Variants in AKR1C3 observed in about 807,000 individuals in gnomAD.
AKR1C3 encodes 3-alpha hydroxysteroid dehydrogenase, type II.
In AKR1C3, 48 loss-of-function variants were observed where a neutral mutation model predicts 43.6. The observed-to-expected ratio is 1.10, with a 90% confidence interval of 0.87 to 1.40. AKR1C3 has a LOEUF of 1.40. Among genes scored for constraint, AKR1C3 ranks in the 40% most tolerant of loss-of-function variants. The pLI is 0.00. For synonymous variants in AKR1C3, 162 were observed against 139.6 expected (o/e 1.16, Z -1.13); for missense variants, 482 against 391.2 (o/e 1.23, Z -1.96).
chr10:5,064,299 G>A (rs1440376662), intron 1 of AKR1C3, among the ~76,000 whole-genome samples: 1 of 152,082 alleles, frequency 6.6e-6, no homozygotes, highest in Admixed American at 6.5e-5. Flanking sequence ...ATCATTCAAC[G>A]AGTGATGCTG....
chr10:5,049,673 T>C (rs1045697055), intron 1 of AKR1C3, among the ~76,000 whole-genome samples: 10 of 152,188 alleles, frequency 6.6e-5, no homozygotes, highest in Non-Finnish European at 1.5e-4. Context: ...GAGACTACTA[T>C]GTTTGTGATT....
At chr10:5,083,339 G>A (rs1838878137) in intron 1 of AKR1C3, among the ~76,000 whole-genome samples, 2 of 151,386 alleles carry the variant, frequency 1.3e-5, no homozygotes, top group Non-Finnish European at 2.9e-5. Context: ...TTGGTTTTTT[G>A]TCCTTGTGAT....
At chr10:5,085,675 G>C (rs1402568286) in intron 1 of AKR1C3, among the ~76,000 whole-genome samples, 1 of 151,884 alleles carries the variant, frequency 6.6e-6, no homozygotes, top group Non-Finnish European at 1.5e-5. Context: ...TGTACCTGTG[G>C]TAGAATTCAG....
chr10:5,049,709 T>C (rs1357264154), intron 1 of AKR1C3, among the ~76,000 whole-genome samples: 1 of 152,208 alleles, frequency 6.6e-6, no homozygotes, highest in Non-Finnish European at 1.5e-5. Flanking sequence ...GAAATTTGAG[T>C]CTCACTTTTC....
At chr10:5,098,583 C>T (rs959315666) in intron 3 of AKR1C3, among the ~76,000 whole-genome samples, 1 of 152,150 alleles carries the variant, frequency 6.6e-6, no homozygotes, top group African/African-American at 2.4e-5. Context: ...GAAAATGGTC[C>T]TTTTCCATGC....
chr10:5,103,896 T>G (rs1554786565), intron 7 of AKR1C3, among the ~76,000 whole-genome samples: 1 of 152,168 alleles, frequency 6.6e-6, no homozygotes, highest in Admixed American at 6.5e-5. Flanking sequence ...CTTATTAATC[T>G]ATGATGGATT....
chr10:5,049,889 C>T (rs1838118043), intron 1 of AKR1C3, among the ~76,000 whole-genome samples: 1 of 152,194 alleles, frequency 6.6e-6, no homozygotes, highest in Non-Finnish European at 1.5e-5. Flanking sequence ...TGTGGGTTAA[C>T]CTGTGCCTCT....
At chr10:5,066,848 T>C (rs1382305310) in intron 1 of AKR1C3, among the ~76,000 whole-genome samples, 17 of 152,346 alleles carry the variant, frequency 1.1e-4, no homozygotes, top group African/African-American at 3.4e-4. Context: ...TTAAAGTCTG[T>C]TGTTTAACTG....
chr10:5,094,345 C>T, upstream of AKR1C3: 1 of 1,401,426 alleles, frequency 7.1e-7, no homozygotes, highest in Non-Finnish European at 9.6e-7. Flanking sequence ...AACCATCAGT[C>T]AGTTTGCAGG....
intron 1 of AKR1C3, among the ~76,000 whole-genome samples, chr10:5,083,469 G>A (rs1253730781): frequency 2.0e-4 from 31 of 152,176 alleles, no homozygotes; most frequent in Admixed American, 3.9e-4. Context: ...TCTTAATCCA[G>A]TCTATCGTTG....
At chr10:5,097,655 T>C in intron 3 of AKR1C3, 105 bp downstream of exon 3, 1 of 1,590,440 alleles carries the variant, frequency 6.3e-7, no homozygotes, top group South Asian at 1.1e-5. Flanking sequence ...GTAGGGATTA[T>C]CACACAGAAG....
chr10:5,100,504 T>C (rs564411341), intron 5 of AKR1C3, among the ~76,000 whole-genome samples: 28 of 151,282 alleles, frequency 1.9e-4, no homozygotes, highest in Non-Finnish European at 1.9e-4. Flanking sequence ...AAGTCCTTTT[T>C]TCCCCCTGAG....
chr10:5,074,171 T>A (rs1363354243), intron 1 of AKR1C3, among the ~76,000 whole-genome samples: 5 of 152,172 alleles, frequency 3.3e-5, no homozygotes, highest in Non-Finnish European at 7.3e-5. Context: ...CATGTGTTGA[T>A]TGATGTCTCA....
At chr10:5,083,196 A>C (rs1838873606) in intron 1 of AKR1C3, among the ~76,000 whole-genome samples, 1 of 152,070 alleles carries the variant, frequency 6.6e-6, no homozygotes, top group Admixed American at 6.6e-5. Context: ...ATTTAGCATT[A>C]GATATATCTC....
chr10:5,059,627 G>A (rs745856536), intron 1 of AKR1C3, among the ~76,000 whole-genome samples: 6 of 152,142 alleles, frequency 3.9e-5, no homozygotes, highest in Admixed American at 6.5e-5. Flanking sequence ...TCCAGCGGCC[G>A]CACTAGTCCC....
intron 3 of AKR1C3, among the ~76,000 whole-genome samples, chr10:5,098,409 A>G (rs1554785482): frequency 2.6e-5 from 4 of 152,218 alleles, no homozygotes. Flanking sequence ...CCCAAAGACT[A>G]TCAACTCTTC....
intron 1 of AKR1C3, among the ~76,000 whole-genome samples, chr10:5,057,011 C>T (rs1037191028): frequency 9.2e-5 from 14 of 152,098 alleles, no homozygotes; most frequent in African/African-American, 2.9e-4. Context: ...TAAACATACC[C>T]GGGGCTCAGT....
upstream of AKR1C3, chr10:5,093,551 T>G (rs1274284510): frequency 1.3e-5 from 2 of 152,110 alleles, no homozygotes; most frequent in Non-Finnish European, 2.9e-5. Context: ...GAATTATTCA[T>G]CCATTTATAT....
chr10:5,096,642 C>G, intron 2 of AKR1C3, 65 bp downstream of exon 2: 1 of 1,522,336 alleles, frequency 6.6e-7, no homozygotes, highest in East Asian at 2.3e-5. Context: ...GATGACAATT[C>G]TATGACTGGA....
Sources: gnomAD v4.1 joint callset for allele counts (sites outside exome capture counted in the v4.1 genomes callset) on GRCh38, gnomAD v4.1.1 for gene constraint, MANE v1.5 for transcripts, NCBI Gene and HGNC (gene_info 2026-07-23, HGNC 2026-07-21) for gene names.